Variants in ATG9A observed in about 807,000 individuals in gnomAD.
The protein encoded by ATG9A is autophagy related 9A.
Under a neutral mutation model 87.1 loss-of-function variants are expected in ATG9A, and 21 were observed. That is an observed-to-expected ratio of 0.24 (90% CI 0.17 to 0.35). The LOEUF (loss-of-function observed/expected upper bound fraction) is 0.35, where lower values mean the gene tolerates loss of function less well. Among genes scored for constraint, ATG9A ranks in the 10% least tolerant of loss-of-function variants. The pLI, the probability that ATG9A is intolerant of heterozygous loss-of-function variation, is 1.00. For synonymous variants in ATG9A, 422 were observed against 441.3 expected (o/e 0.96, Z 0.55); for missense variants, 836 against 1,107.3 (o/e 0.76, Z 3.48).
At chr2:219,221,798 A>T (rs1462816696) in intron 13 of ATG9A, among the ~76,000 whole-genome samples, 1 of 152,148 alleles carries the variant, frequency 6.6e-6, no homozygotes, top group East Asian at 1.9e-4. Flanking sequence ...AGTCTCAGGG[A>T]AACGGCAGCT....
chr2:219,221,064 T>A lies in ATG9A; in HGVS notation c.2368+16A>T. ...TCCCTGCAGCCTCTGTTTCCTCCTA[T>A]ACCCCCACTGGATACCTGTGATGCC... On this transcript the variant is annotated intron_variant, in intron 14 of 15. Transcript: ENST00000361242. The A allele has an allele frequency of 6.2e-7, 1 of 1,611,446 alleles. No individual in the cohort carries two copies. The highest frequency in any genetic ancestry group is 2.2e-5 in the East Asian group (1 of 44,812).
chr2:219,228,161 CA>C, intron 2 of ATG9A, 108 bp from the exon 3 acceptor site: 1 of 720,208 alleles, frequency 1.4e-6, no homozygotes, highest in Non-Finnish European at 2.3e-6. Context: ...TGTCCACTAC[CA>C]GCCTCCTTGG....
chr2:219,223,038 G>GGGTCTGGGGGGGC lies in ATG9A; in HGVS notation c.1600-146_1600-145insGCCCCCCCAGACC. The GGGTCTGGGGGGGC allele has an allele frequency of 6.0e-6, 6 of 996,032 alleles. No homozygotes were observed. The highest frequency in any genetic ancestry group is 1.6e-5 in the African/African-American group (1 of 61,180). 61.7% of individuals were successfully genotyped at this position (996,032 alleles called of 1,614,324 possible). A position where few individuals can be genotyped will look rare whatever the true frequency, so the allele number is the denominator to read the frequency against. On this transcript the variant is annotated intron_variant, in intron 10 of 15. Transcript: ENST00000361242. This position sits in a 1 kb window ranked among gnomAD's most constrained non-coding sequence, Gnocchi z 4.7. Reference sequence around the variant, plus strand: ...TTCCCAGGGCACTGGTGCCCCCCCAGACCCAGGAGGGGCTGCACTGCATGC... The same window carrying GGGTCTGGGGGGGC: ...TTCCCAGGGCACTGGTGCCCCCCCAGGGTCTGGGGGGGCACCCAGGAGGGGCTGCACTGCATGC...
rs1233942722 is a variant in ATG9A at position 219,222,469 on chromosome 2, G to A, written c.1849-19C>T. ...TCAGGGGCTATGAACGAAACGGGTA[G>A]GTAGAATTCTTGAGGCAAGAGAAAG... On this transcript the variant is annotated intron_variant, in intron 11 of 15. Coordinates refer to ENST00000361242, the MANE Select transcript of ATG9A (RefSeq NM_001077198.3). This position sits in a 1 kb window ranked among gnomAD's most constrained non-coding sequence, Gnocchi z 4.3. 6.5e-7 allele frequency: 1 copy of A among 1,545,418 alleles called. No individual in the cohort carries two copies. Among genetic ancestry groups the A allele is most frequent in the Non-Finnish European group, 8.7e-7 (1 of 1,147,688 alleles).
rs781745895 is a variant in ATG9A at position 219,222,309 on chromosome 2, G to A, written c.1990C>T (p.Pro664Ser). Residue 664 changes from proline to serine, a missense_variant, in exon 12 of 16, where the codon CCC becomes TCC. Transcript: ENST00000361242. This position sits in a 1 kb window ranked among gnomAD's most constrained non-coding sequence, Gnocchi z 4.3. ...SFSPLQPGQA[P>S]TGRAHSTMTG... ...ATGGTGCTGTGAGCCCGGCCTGTGG[G>A]CGCCTGCCCGGGTTGCAGCGGGGAG... 4.3e-6 allele frequency: 7 copies of A among 1,613,398 alleles called. No homozygotes were observed. In the South Asian group the frequency reaches 6.6e-5, roughly 15 times the overall value.
rs750027510 is a variant in ATG9A at position 219,220,807 on chromosome 2, C to T, written c.2454G>A (p.Arg818=). The stretch of plus-strand genomic sequence containing the variant: ...CCTCTTCGGGCACGGGCTCAGGGTG[C>T]CTTGATGCCGACTGCCCATCTTCTG... The part of the protein sequence containing the change: ...GWAEDGQSAS[R]HPEPVPEEGS... The change falls in exon 15 of 16, where the codon AGG becomes AGA. Residue 818 remains arginine (R), a synonymous_variant. Transcript: ENST00000361242. 5.6e-6 allele frequency: 9 copies of T among 1,613,358 alleles called. No individual in the cohort carries two copies. Among genetic ancestry groups the T allele is most frequent in the Middle Eastern group, 1.7e-4 (1 of 6,040 alleles).
rs373366160 is a variant in ATG9A at position 219,220,925 on chromosome 2, A to G, written c.2369-33T>C. 8 of 1,612,102 alleles carry G rather than the reference A, an allele frequency of 5.0e-6. No homozygotes were observed. The African/African-American group carries it at 1.1e-4, about 22-fold the overall frequency. ...GACAAGTAAGAGTAAGCATACTCAT[A>G]GAAGGAACACAAGAATGAGGAACAG... On this transcript the variant is annotated intron_variant, in intron 14 of 15. Transcript: ENST00000361242.
rs746507601 is a variant in ATG9A at position 219,220,403 on chromosome 2, C to T, written c.*44G>A. 9 of 1,609,540 alleles carry T rather than the reference C, an allele frequency of 5.6e-6. No homozygotes were observed. The East Asian group carries it at 6.7e-5, about 12-fold the overall frequency. On this transcript the variant is annotated 3_prime_UTR_variant, in exon 16 of 16. Coordinates refer to ENST00000361242, the MANE Select transcript of ATG9A (RefSeq NM_001077198.3). ...GCAGGCAGACGGGATGGCAGGGCAG[C>T]GGTGGCCTCCATCCTGGGCCACAGG...
chr2:219,219,697 A>C lies in ATG9A; in HGVS notation c.*750T>G, dbSNP rs1950713385. On this transcript the variant is annotated 3_prime_UTR_variant, in exon 16 of 16. Coordinates refer to ENST00000361242, the MANE Select transcript of ATG9A (RefSeq NM_001077198.3). ...GGTGATGGGGGGTACGATAAGCAGC[A>C]ATGAGGGCCCAGGAAGACCTCAGTC... 1 of 152,444 alleles carries C rather than the reference A, an allele frequency of 6.6e-6. No individual in the cohort carries two copies. The highest frequency in any genetic ancestry group is 2.4e-5 in the African/African-American group (1 of 41,468). The allele number at this position is 152,444 out of a possible 1,614,324, so 9.4% of individuals were successfully genotyped here. A position where few individuals can be genotyped will look rare whatever the true frequency, so the allele number is the denominator to read the frequency against.
chr2:219,222,468 A>G lies in ATG9A; in HGVS notation c.1849-18T>C. ...CTCAGGGGCTATGAACGAAACGGGT[A>G]GGTAGAATTCTTGAGGCAAGAGAAA... is the stretch of plus-strand genomic sequence containing the variant. On this transcript the variant is annotated intron_variant, in intron 11 of 15. Transcript: ENST00000361242. The surrounding 1 kb of genome is among the most constrained non-coding windows in gnomAD (Gnocchi z 4.3). The G allele has an allele frequency of 6.5e-7, 1 of 1,546,112 alleles. No homozygotes were observed. The highest frequency in any genetic ancestry group is 8.7e-7 in the Non-Finnish European group (1 of 1,147,974).
intron 15 of ATG9A, 94 bp from the exon 16 acceptor site, chr2:219,220,546 A>G (rs1950730096): frequency 6.4e-7 from 1 of 1,560,562 alleles, no homozygotes; most frequent in Non-Finnish European, 8.8e-7. Context: ...GGGACAGGAA[A>G]GGTTGATTCC....
At chr2:219,220,505 C>G in intron 15 of ATG9A, 53 bp from the exon 16 acceptor site, 1 of 1,606,822 alleles carries the variant, frequency 6.2e-7, no homozygotes, top group Non-Finnish European at 8.5e-7. Context: ...CTGGTTGATA[C>G]CTGCTAGCCC....
rs1163885605 is a variant in ATG9A, at chr2:219,219,737, C to T, written c.*710G>A. 6.6e-6 allele frequency: 1 copy of T among 152,340 alleles called. No individual in the cohort carries two copies. The highest frequency in any genetic ancestry group is 2.4e-5 in the African/African-American group (1 of 41,452). The allele number at this position is 152,340 out of a possible 1,614,324, so 9.4% of individuals were successfully genotyped here. On this transcript the variant is annotated 3_prime_UTR_variant, in exon 16 of 16. Coordinates refer to ENST00000361242, the MANE Select transcript of ATG9A (RefSeq NM_001077198.3). ...AGACCTCAGTCTCCTGGGGGCCCAT[C>T]CTAAAAGATGGCAAGGGCAGCAAAG...
Position 219,225,049 on chromosome 2 carries a change from C to G in ATG9A, c.516+22G>C, listed in dbSNP as rs937697882. ...CAATACGTCTTAGACTATGGGCTAACTGCCCAACTTCCCAGTCTTACCATA... is the reference window on the plus strand; with the variant it reads ...CAATACGTCTTAGACTATGGGCTAAGTGCCCAACTTCCCAGTCTTACCATA... On this transcript the variant is annotated intron_variant, in intron 7 of 15. Transcript: ENST00000361242. 4 of 1,613,844 alleles carry G rather than the reference C, an allele frequency of 2.5e-6. No homozygotes were observed. The African/African-American group carries it at 5.3e-5, about 22-fold the overall frequency.
At position 219,224,760 on chromosome 2, in the gene ATG9A, G is replaced by C. The variant is rs1157867843; in HGVS notation, c.611C>G (p.Thr204Arg). The C allele has an allele frequency of 6.2e-7, 1 of 1,614,092 alleles. No homozygotes were observed. The highest frequency in any genetic ancestry group is 8.5e-7 in the Non-Finnish European group (1 of 1,180,048). Residue 204 changes from threonine (T) to arginine (R), a missense_variant, in exon 8 of 16, where the codon ACA (threonine) becomes AGA (arginine). By Grantham distance (71) the Thr-to-Arg change is moderately conservative. Transcript: ENST00000361242. This position sits in a 1 kb window ranked among gnomAD's most constrained non-coding sequence, Gnocchi z 7.7. ...HQICIHKREL[T>R]ELDIYHRILR... ...GATGCGGTGGTAGATGTCCAGTTCT[G>C]TCAGCTCACGTTTGTGGATGCAGAT...
At chr2:219,221,358 C>A in intron 13 of ATG9A, 56 bp from the exon 14 acceptor site, 1 of 1,456,708 alleles carries the variant, frequency 6.9e-7, no homozygotes, top group South Asian at 1.4e-5. Flanking sequence ...TCTGAAACAG[C>A]TGCCCTCCAA....
Position 219,222,255 on chromosome 2 carries a change from G to A in ATG9A, c.2027+17C>T. 3.1e-6 allele frequency: 5 copies of A among 1,613,474 alleles called. No homozygotes were observed. The highest frequency in any genetic ancestry group is 4.2e-6 in the Non-Finnish European group (5 of 1,179,976). On this transcript the variant is annotated intron_variant, in intron 12 of 15. Coordinates refer to ENST00000361242, the MANE Select transcript of ATG9A (RefSeq NM_001077198.3). This position sits in a 1 kb window ranked among gnomAD's most constrained non-coding sequence, Gnocchi z 4.3. ...GAGGGCTGCCGTGCCCTCCCATCTT[G>A]GCCCCGATTTACTCACCCAGAGCCT...
chr2:219,227,941 G>A lies in ATG9A; in HGVS notation c.84C>T (p.His28=), dbSNP rs754854435. 12 of 1,614,012 alleles carry A rather than the reference G, an allele frequency of 7.4e-6. No homozygotes were observed. Among genetic ancestry groups the A allele is most frequent in the East Asian group, 2.2e-5 (1 of 44,886 alleles). The change falls in exon 3 of 16, where the codon CAC becomes CAT. Residue 28 remains histidine, a synonymous_variant. Coordinates refer to ENST00000361242, the MANE Select transcript of ATG9A (RefSeq NM_001077198.3). ...ACTCACACTTGCTCCCCTCGGCGAC[G>A]TGCACCAACAGGTCCTCCTCCCCTG... ...SPPGEEDLLV[H]VAEGSKSPWH... is the part of the protein sequence containing the mutation.
rs73077089 is a variant in ATG9A, at chr2:219,228,459, T to A, written c.-55A>T. The A allele has an allele frequency of 5.2e-3, 824 of 157,256 alleles. 11 individuals carry two copies. The highest frequency in any genetic ancestry group is 0.019 in the African/African-American group (772 of 41,664). The allele number at this position is 157,256 out of a possible 1,614,324, so 9.7% of individuals were successfully genotyped here. ...CAGCTCCATGGACAGTATGTGCTCC[T>A]CTCCAGCCCTCGATGCTCTGCAGCT... On this transcript the variant is annotated 5_prime_UTR_variant, in exon 2 of 16. Transcript: ENST00000361242.
Sources: allele counts gnomAD v4.1 joint callset (sites outside exome capture counted in the v4.1 genomes callset), GRCh38; gene constraint gnomAD v4.1.1; non-coding constraint Gnocchi (gnomAD v3.1); transcripts MANE v1.5; gene names NCBI Gene and HGNC (gene_info 2026-07-23, HGNC 2026-07-21).